MPPED1: variants seen among roughly 807,000 people sequenced by gnomAD.
The protein encoded by MPPED1 is metallophosphoesterase domain containing 1.
Under a neutral mutation model 36.2 loss-of-function variants are expected in MPPED1, and 16 were observed. The ratio of observed to expected loss-of-function variants is 0.44; its 90% confidence interval spans 0.30 to 0.67. The LOEUF is 0.67. Ranked by LOEUF, MPPED1 falls within the 30% of genes least tolerant of loss-of-function variation. The probability of loss-of-function intolerance (pLI) is 0.10; values close to 1 mark genes in which losing one functional copy is unlikely to be tolerated. For missense variants in MPPED1, 307 were observed against 453.4 expected (o/e 0.68, Z 2.93); for synonymous variants, 199 against 191.3 (o/e 1.04, Z -0.33).
At chr22:43,484,778 T>A (rs1459472255) in intron 4 of MPPED1, among the ~76,000 whole-genome samples, 1 of 152,106 alleles carries the variant, frequency 6.6e-6, no homozygotes, top group Admixed American at 6.5e-5. Flanking sequence ...CCTGAGCCTC[T>A]CAGGGAAACG....
chr22:43,445,002 G>A (rs1930288056), intron 3 of MPPED1, among the ~76,000 whole-genome samples: 1 of 152,186 alleles, frequency 6.6e-6, no homozygotes, highest in Non-Finnish European at 1.5e-5. Flanking sequence ...AGTACCCAGT[G>A]CTATGTGGGC....
At chr22:43,418,029 T>C in intron 1 of MPPED1, 2 of 456,112 alleles carry the variant, frequency 4.4e-6, no homozygotes, top group South Asian at 3.1e-5. Flanking sequence ...TTGACTGTCA[T>C]CCGAGTTTTG....
At chr22:43,440,685 G>T (rs1204675234) in intron 3 of MPPED1, among the ~76,000 whole-genome samples, 1 of 152,034 alleles carries the variant, frequency 6.6e-6, no homozygotes, top group Non-Finnish European at 1.5e-5. Flanking sequence ...CAGGAAGCCT[G>T]CAGCCTCCGC....
At chr22:43,416,964 A>C in intron 1 of MPPED1, 1 of 985,376 alleles carries the variant, frequency 1.0e-6, no homozygotes, top group Non-Finnish European at 1.2e-6. Context: ...TTCATAGCTA[A>C]AATTAAAGGA....
intron 3 of MPPED1, among the ~76,000 whole-genome samples, chr22:43,436,254 C>G (rs984371034): frequency 6.6e-6 from 1 of 152,234 alleles, no homozygotes; most frequent in African/African-American, 2.4e-5. Context: ...AGCACCCAGG[C>G]CTGCTGCCGT....
At chr22:43,440,726 T>C (rs1385741942) in intron 3 of MPPED1, among the ~76,000 whole-genome samples, 4 of 151,980 alleles carry the variant, frequency 2.6e-5, no homozygotes. Context: ...CAGCCCTCAC[T>C]TCACCCCTAG....
intron 3 of MPPED1, among the ~76,000 whole-genome samples, chr22:43,453,151 G>A (rs987420355): frequency 6.6e-6 from 1 of 151,874 alleles, no homozygotes; most frequent in Non-Finnish European, 1.5e-5. Context: ...GGGGTTTCAC[G>A]GTGTTAGCCA....
intron 5 of MPPED1, among the ~76,000 whole-genome samples, chr22:43,500,312 GGAGGTGGTGA>G (rs1932670444): frequency 1.4e-5 from 2 of 143,190 alleles, no homozygotes; most frequent in African/African-American, 5.2e-5. Context: ...TGATGGTGAT[GGAGGTGGTGA>G]TGGTGGTGGT....
chr22:43,415,588 G>C (rs1022254052), intron 1 of MPPED1, among the ~76,000 whole-genome samples: 1 of 152,140 alleles, frequency 6.6e-6, no homozygotes, highest in African/African-American at 2.4e-5. Flanking sequence ...GCCTTTTCAT[G>C]AATTACTCTG....
At chr22:43,457,702 A>G (rs1211584047) in intron 3 of MPPED1, among the ~76,000 whole-genome samples, 1 of 152,126 alleles carries the variant, frequency 6.6e-6, no homozygotes, top group Non-Finnish European at 1.5e-5. Flanking sequence ...CCTGGGCATT[A>G]TAATTAAATT....
chr22:43,467,185 C>G (rs1931201847), intron 3 of MPPED1, among the ~76,000 whole-genome samples: 1 of 152,204 alleles, frequency 6.6e-6, no homozygotes, highest in African/African-American at 2.4e-5. Flanking sequence ...GGAAGTCAGG[C>G]TACGCCCCCT....
chr22:43,423,359 C>A (rs894711519), intron 1 of MPPED1, among the ~76,000 whole-genome samples: 1 of 152,206 alleles, frequency 6.6e-6, no homozygotes, highest in Admixed American at 6.5e-5. Flanking sequence ...GGGGTGCAGG[C>A]CCCTGCTCCC....
intron 2 of MPPED1, among the ~76,000 whole-genome samples, chr22:43,428,529 C>T (rs137993450): frequency 6.6e-6 from 1 of 152,180 alleles, no homozygotes; most frequent in Non-Finnish European, 1.5e-5. Context: ...TGCTCCCTCC[C>T]AGGAGCGGTG....
At chr22:43,426,252 G>A (rs1029511361) in intron 2 of MPPED1, among the ~76,000 whole-genome samples, 3 of 152,052 alleles carry the variant, frequency 2.0e-5, no homozygotes, top group African/African-American at 7.2e-5. Flanking sequence ...GTGTGTGGAT[G>A]TTCATGCTTC....
At chr22:43,462,761 C>G (rs1930998851) in intron 3 of MPPED1, among the ~76,000 whole-genome samples, 1 of 152,134 alleles carries the variant, frequency 6.6e-6, no homozygotes, top group African/African-American at 2.4e-5. Context: ...AGGCCTGCTC[C>G]CATTGGGACT....
At chr22:43,500,037 G>A (rs1379056699) in intron 5 of MPPED1, among the ~76,000 whole-genome samples, 1 of 99,472 alleles carries the variant, frequency 1.0e-5, no homozygotes, top group Non-Finnish European at 2.0e-5. Flanking sequence ...GGTGGTGAGG[G>A]AGGTGGTGAT....
intron 3 of MPPED1, among the ~76,000 whole-genome samples, chr22:43,473,517 C>T (rs530303116): frequency 1.3e-5 from 2 of 152,356 alleles, no homozygotes; most frequent in South Asian, 2.1e-4. Flanking sequence ...AGGTCACTCT[C>T]GGCCCAGGAG....
At chr22:43,419,493 A>G (rs1458215074) in intron 1 of MPPED1, among the ~76,000 whole-genome samples, 1 of 152,178 alleles carries the variant, frequency 6.6e-6, no homozygotes, top group African/African-American at 2.4e-5. Flanking sequence ...CCTCTGTGCC[A>G]GGGAAAGCCT....
intron 3 of MPPED1, among the ~76,000 whole-genome samples, chr22:43,458,832 T>C (rs1240733713): frequency 6.6e-6 from 1 of 152,238 alleles, no homozygotes; most frequent in African/African-American, 2.4e-5. Context: ...TCCTTCTTCC[T>C]AGCGTTTGTA....
Sources: gnomAD v4.1 joint callset for allele counts (sites outside exome capture counted in the v4.1 genomes callset) on GRCh38, gnomAD v4.1.1 for gene constraint, MANE v1.5 for transcripts, NCBI Gene and HGNC (gene_info 2026-07-23, HGNC 2026-07-21) for gene names.